CDK14: variants seen among roughly 807,000 people sequenced by gnomAD.
CDK14 encodes the protein cyclin-dependent kinase 14.
Under a neutral mutation model 60.7 loss-of-function variants are expected in CDK14, and 34 were observed. That is an observed-to-expected ratio of 0.56 (90% CI 0.43 to 0.75). The LOEUF (loss-of-function observed/expected upper bound fraction) is 0.75, where lower values mean the gene tolerates loss of function less well. Ranked by LOEUF, CDK14 falls within the 30% of genes least tolerant of loss-of-function variation. The pLI, the probability that CDK14 is intolerant of heterozygous loss-of-function variation, is 0.00. For missense variants in CDK14, 482 were observed against 564.1 expected, an observed-to-expected ratio of 0.85 and a Z score of 1.47; for synonymous variants, 197 against 203.7, an observed-to-expected ratio of 0.97 and a Z score of 0.28.
At chr7:91,107,125 T>G (rs1799326496) in intron 12 of CDK14, among the ~76,000 whole-genome samples, 2 of 152,170 alleles carry the variant, frequency 1.3e-5, no homozygotes, top group South Asian at 4.1e-4. Context: ...TTTCAGGAGG[T>G]TCATTTCACG....
chr7:90,750,194 A>ACG (rs1803776393), intron 4 of CDK14, among the ~76,000 whole-genome samples: 1 of 95,864 alleles, frequency 1.0e-5, no homozygotes, highest in African/African-American at 3.6e-5. Context: ...ACACACACAC[A>ACG]CACACACCAA....
intron 4 of CDK14, among the ~76,000 whole-genome samples, chr7:90,779,158 C>T (rs1012504839): frequency 6.6e-6 from 1 of 151,990 alleles, no homozygotes; most frequent in Non-Finnish European, 1.5e-5. Flanking sequence ...GAGGCTGAGG[C>T]AGGAGAATTG....
At chr7:90,751,034 T>C (rs536110444) in intron 4 of CDK14, among the ~76,000 whole-genome samples, 15 of 152,232 alleles carry the variant, frequency 9.9e-5, no homozygotes, top group African/African-American at 3.6e-4. Context: ...TGGGATAATG[T>C]AAAGTGATCA....
chr7:90,710,293 CTT>C lies in CDK14; in HGVS notation c.124-16272_124-16271del, dbSNP rs1215931639. 8 of 985,252 alleles carry C rather than the reference CTT, an allele frequency of 8.1e-6. No homozygotes were observed. The East Asian group carries it at 9.1e-4, about 112-fold the overall frequency. The allele number at this position is 985,252 out of a possible 1,614,324, so 61.0% of individuals were successfully genotyped here. A position where few individuals can be genotyped will look rare whatever the true frequency, so the allele number is the denominator to read the frequency against. The stretch of plus-strand genomic sequence containing the variant: ...GAGTCTTATTCCTTCTGAAACTAGT[CTT>C]TATTTATTACAGCTGAAAGAGATCT... On this transcript the variant is annotated intron_variant, in intron 2 of 14. Transcript: ENST00000380050.
At chr7:90,757,209 A>AGTGTGTGTGTGTGTGTGTGT (rs56790315) in intron 4 of CDK14, among the ~76,000 whole-genome samples, 34 of 120,348 alleles carry the variant, frequency 2.8e-4, no homozygotes, top group Non-Finnish European at 3.7e-4. Context: ...GCATTCTTCC[A>AGTGTGTGTGTGTGTGTGTGT]GTGTGTGTGT....
At chr7:91,050,301 A>G (rs1056206547) in intron 11 of CDK14, among the ~76,000 whole-genome samples, 1 of 152,152 alleles carries the variant, frequency 6.6e-6, no homozygotes, top group African/African-American at 2.4e-5. Context: ...ACCCCTTAGG[A>G]GGCTATAACA....
At chr7:91,086,452 C>T (rs1182783123) in intron 12 of CDK14, among the ~76,000 whole-genome samples, 1 of 152,144 alleles carries the variant, frequency 6.6e-6, no homozygotes, top group Non-Finnish European at 1.5e-5. Flanking sequence ...AGACACACAG[C>T]TCTCTACCCT....
chr7:90,614,804 A>G (rs1799615912), intron 2 of CDK14, among the ~76,000 whole-genome samples: 1 of 152,016 alleles, frequency 6.6e-6, no homozygotes, highest in East Asian at 1.9e-4. Context: ...TCTTTTAGGC[A>G]TATGAGCCTG....
chr7:90,793,898 C>A (rs1217192772), intron 5 of CDK14, among the ~76,000 whole-genome samples: 1 of 152,058 alleles, frequency 6.6e-6, no homozygotes, highest in Admixed American at 6.6e-5. Context: ...GCTATTTGGC[C>A]CTTTCAATAA....
chr7:91,062,469 A>T (rs1736806478), intron 11 of CDK14, among the ~76,000 whole-genome samples: 2 of 151,580 alleles, frequency 1.3e-5, no homozygotes, highest in South Asian at 4.2e-4. Context: ...GAAATGCAGA[A>T]ATCATTTGTC....
chr7:90,618,810 A>C (rs1799706388), intron 2 of CDK14, among the ~76,000 whole-genome samples: 1 of 152,126 alleles, frequency 6.6e-6, no homozygotes, highest in African/African-American at 2.4e-5. Context: ...GTTGAGTTGG[A>C]AAGATTTGAG....
chr7:90,696,273 G>A (rs1414997638), intron 2 of CDK14, among the ~76,000 whole-genome samples: 1 of 151,990 alleles, frequency 6.6e-6, no homozygotes, highest in Non-Finnish European at 1.5e-5. Context: ...ATATCGGAAG[G>A]AGGAGCAAGG....
intron 2 of CDK14, among the ~76,000 whole-genome samples, chr7:90,633,828 A>G (rs1210775647): frequency 1.3e-5 from 2 of 152,170 alleles, no homozygotes; most frequent in Non-Finnish European, 2.9e-5. Context: ...ATGTAACTGT[A>G]AACTAAATCA....
chr7:90,792,211 T>TTG (rs1043614386), intron 5 of CDK14, among the ~76,000 whole-genome samples: 6 of 150,388 alleles, frequency 4.0e-5, no homozygotes, highest in Admixed American at 6.7e-5. Flanking sequence ...TTTTTTTTTT[T>TTG]CTTTCTAATA....
At chr7:90,817,848 C>T (rs1789406187) in intron 5 of CDK14, among the ~76,000 whole-genome samples, 1 of 152,134 alleles carries the variant, frequency 6.6e-6, no homozygotes, top group African/African-American at 2.4e-5. Flanking sequence ...TAGCTCTTCT[C>T]CTCTGCCTGT....
chr7:90,809,568 G>A (rs532448981), intron 5 of CDK14, among the ~76,000 whole-genome samples: 4 of 152,186 alleles, frequency 2.6e-5, no homozygotes, highest in East Asian at 3.9e-4. Context: ...AAGAACTAGA[G>A]AAGCAAGAGC....
chr7:91,054,198 T>C (rs1797486440), intron 11 of CDK14, among the ~76,000 whole-genome samples: 2 of 151,982 alleles, frequency 1.3e-5, no homozygotes, highest in South Asian at 4.2e-4. Context: ...ATTATTTTTA[T>C]GATTGATAGC....
intron 14 of CDK14, among the ~76,000 whole-genome samples, chr7:91,132,595 T>G (rs771242209): frequency 5.9e-5 from 9 of 152,178 alleles, no homozygotes; most frequent in Non-Finnish European, 1.2e-4. Flanking sequence ...GATGTATTTT[T>G]TTTCTTCTTT....
chr7:91,129,796 G>T (rs545680063), intron 14 of CDK14, among the ~76,000 whole-genome samples: 1 of 152,238 alleles, frequency 6.6e-6, no homozygotes, highest in South Asian at 2.1e-4. Context: ...TAATGAGATT[G>T]GTGGTAATAT....
Sources: allele counts gnomAD v4.1 joint callset (sites outside exome capture counted in the v4.1 genomes callset), GRCh38; gene constraint gnomAD v4.1.1; transcripts MANE v1.5; gene names NCBI Gene and HGNC (gene_info 2026-07-23, HGNC 2026-07-21).